PIP4K2A: variants seen among roughly 807,000 people sequenced by gnomAD.
PIP4K2A encodes phosphatidylinositol-5-phosphate 4-kinase type 2 alpha, also known as phosphatidylinositol 5-phosphate 4-kinase type-2 alpha.
Under a neutral mutation model 42.9 loss-of-function variants are expected in PIP4K2A, and 14 were observed. The observed-to-expected ratio is 0.33, with a 90% CI of 0.22 to 0.51. The LOEUF (loss-of-function observed/expected upper bound fraction) is 0.51, where lower values mean the gene tolerates loss of function less well. Among genes scored for constraint, PIP4K2A ranks in the 20% least tolerant of loss-of-function variants. The pLI, the probability that PIP4K2A is intolerant of heterozygous loss-of-function variation, is 0.97. For synonymous variants in PIP4K2A, 192 were observed against 192.2 expected (o/e 1.00, Z 0.01); for missense variants, 434 against 519.8 (o/e 0.83, Z 1.61).
chr10:22,585,405 C>T (rs72816836), intron 4 of PIP4K2A, among the ~76,000 whole-genome samples: 1,910 of 152,116 alleles, frequency 0.013, 24 homozygotes, highest in Middle Eastern at 0.065. Flanking sequence ...GAATTTAAGT[C>T]GTTTTTTATC....
In PIP4K2A at chr10:22,714,129, G is replaced by A. The variant is rs910152618; in HGVS notation, c.144+54C>T. On this transcript the variant is annotated intron_variant, in intron 1 of 9. Coordinates refer to ENST00000376573, the MANE Select transcript of PIP4K2A (RefSeq NM_005028.5). ...GCTGCAGCCGGAGGAGGAGGGGAACGAGGAGGAAGAGGAGGAGGAGGAAGG... is the reference window on the plus strand; with the variant it reads ...GCTGCAGCCGGAGGAGGAGGGGAACAAGGAGGAAGAGGAGGAGGAGGAAGG... 8.5e-6 allele frequency: 13 copies of A among 1,523,264 alleles called. No homozygotes were observed. In the African/African-American group the frequency reaches 1.4e-4, roughly 16 times the overall value. 94.4% of individuals were successfully genotyped at this position (1,523,264 alleles called of 1,614,324 possible). A position where few individuals can be genotyped will look rare whatever the true frequency, so the allele number is the denominator to read the frequency against.
chr10:22,605,175 A>C (rs983716730), intron 3 of PIP4K2A, among the ~76,000 whole-genome samples: 1 of 152,254 alleles, frequency 6.6e-6, no homozygotes, highest in Non-Finnish European at 1.5e-5. Flanking sequence ...AGTGACTCTG[A>C]ATACACACTT....
intron 1 of PIP4K2A, among the ~76,000 whole-genome samples, chr10:22,661,400 G>C (rs1400957313): frequency 7.0e-6 from 1 of 142,568 alleles, no homozygotes; most frequent in African/African-American, 2.6e-5. Flanking sequence ...TCTGTCGCTC[G>C]GGCTGGAGTG....
intron 1 of PIP4K2A, among the ~76,000 whole-genome samples, chr10:22,704,653 A>G (rs973233159): frequency 1.5e-4 from 21 of 142,950 alleles, no homozygotes; most frequent in Non-Finnish European, 3.3e-4. Context: ...CCTCATCTGA[A>G]AAAAAAAAAA....
intron 1 of PIP4K2A, among the ~76,000 whole-genome samples, chr10:22,704,435 G>A (rs768572197): frequency 3.9e-5 from 6 of 152,088 alleles, no homozygotes; most frequent in Non-Finnish European, 8.8e-5. Flanking sequence ...ACGGTTGCCA[G>A]GTACGGTGTC....
At chr10:22,588,922 T>C (rs1331982458) in intron 4 of PIP4K2A, among the ~76,000 whole-genome samples, 1 of 152,250 alleles carries the variant, frequency 6.6e-6, no homozygotes, top group Non-Finnish European at 1.5e-5. Flanking sequence ...AGGAAGTCTT[T>C]ATACTGTTAA....
intron 1 of PIP4K2A, among the ~76,000 whole-genome samples, chr10:22,706,307 T>C (rs1443022098): frequency 1.3e-5 from 2 of 152,174 alleles, no homozygotes; most frequent in East Asian, 1.9e-4. Context: ...GATCCAGTCC[T>C]GGTTAGCACC....
intron 1 of PIP4K2A, among the ~76,000 whole-genome samples, chr10:22,635,317 T>C (rs1241569508): frequency 2.0e-5 from 3 of 152,172 alleles, no homozygotes; most frequent in Admixed American, 6.5e-5. Context: ...AACTGGGATG[T>C]CAGTGGTGGG....
At chr10:22,617,099 G>A (rs1347163678) in intron 1 of PIP4K2A, among the ~76,000 whole-genome samples, 2 of 152,178 alleles carry the variant, frequency 1.3e-5, no homozygotes, top group Non-Finnish European at 2.9e-5. Flanking sequence ...TTCCTCTCCT[G>A]AGCAAGGCAT....
chr10:22,699,345 C>T (rs1051529472), intron 1 of PIP4K2A, among the ~76,000 whole-genome samples: 4 of 152,116 alleles, frequency 2.6e-5, no homozygotes, highest in South Asian at 4.2e-4. Flanking sequence ...GTAGTAAAAG[C>T]CTGTGGACTT....
At chr10:22,576,092 A>T (rs1837111822) in intron 4 of PIP4K2A, among the ~76,000 whole-genome samples, 1 of 152,172 alleles carries the variant, frequency 6.6e-6, no homozygotes, top group Admixed American at 6.5e-5. Flanking sequence ...AGTCATACCA[A>T]AGTTTATCTA....
chr10:22,607,082 G>A (rs1041237704), intron 3 of PIP4K2A, among the ~76,000 whole-genome samples: 7 of 152,070 alleles, frequency 4.6e-5, no homozygotes, highest in African/African-American at 1.7e-4. Context: ...GAAAATATTC[G>A]ATTTGGAAGC....
intron 4 of PIP4K2A, among the ~76,000 whole-genome samples, chr10:22,578,720 T>C (rs1172923006): frequency 6.6e-6 from 1 of 152,230 alleles, no homozygotes; most frequent in East Asian, 1.9e-4. Context: ...TCTTTTGAGT[T>C]GCACATCCAC....
intron 1 of PIP4K2A, among the ~76,000 whole-genome samples, chr10:22,701,266 T>C (rs1425540637): frequency 6.6e-6 from 1 of 152,200 alleles, no homozygotes; most frequent in African/African-American, 2.4e-5. Context: ...GAAAATGACC[T>C]AGGTGAGTCA....
At chr10:22,659,874 G>A (rs986320252) in intron 1 of PIP4K2A, 2 of 152,068 alleles carry the variant, frequency 1.3e-5, no homozygotes, top group South Asian at 4.2e-4. Context: ...ATAGCCTAAA[G>A]GGCAGGTCTA....
intron 3 of PIP4K2A, among the ~76,000 whole-genome samples, chr10:22,594,383 C>A (rs1341566103): frequency 6.6e-6 from 1 of 152,088 alleles, no homozygotes; most frequent in Non-Finnish European, 1.5e-5. Context: ...AGTACCAGGA[C>A]AATGTACAGG....
At chr10:22,671,269 T>C (rs143125314) in intron 1 of PIP4K2A, among the ~76,000 whole-genome samples, 15 of 152,160 alleles carry the variant, frequency 9.9e-5, no homozygotes, top group African/African-American at 3.1e-4. Context: ...TAGAAAGAAA[T>C]ATGAATAAAT....
chr10:22,644,398 C>T (rs182270505), intron 1 of PIP4K2A, among the ~76,000 whole-genome samples: 2 of 152,348 alleles, frequency 1.3e-5, no homozygotes, highest in East Asian at 3.9e-4. Context: ...ATCAGTTCCA[C>T]ACCTTGCAGC....
chr10:22,632,261 T>C (rs1284355749), intron 1 of PIP4K2A, among the ~76,000 whole-genome samples: 2 of 152,206 alleles, frequency 1.3e-5, no homozygotes, highest in Non-Finnish European at 2.9e-5. Flanking sequence ...AGTCATCTTG[T>C]ATCAGTGTTA....
Sources: gnomAD v4.1 joint callset for allele counts (sites outside exome capture counted in the v4.1 genomes callset) on GRCh38, gnomAD v4.1.1 for gene constraint, MANE v1.5 for transcripts, NCBI Gene and HGNC (gene_info 2026-07-23, HGNC 2026-07-21) for gene names.